KIF26B: variants seen among roughly 807,000 people sequenced by gnomAD.
KIF26B encodes the protein kinesin family member 26B, also known as kinesin-like protein KIF26B.
A neutral mutation model predicts 151.2 loss-of-function variants in KIF26B; 63 were observed. The observed-to-expected ratio is 0.42, with a 90% CI of 0.34 to 0.51. The LOEUF (loss-of-function observed/expected upper bound fraction) is 0.51. KIF26B is among the 20% of genes least tolerant of loss of function. The probability of loss-of-function intolerance (pLI) is 0.07; values close to 1 mark genes in which losing one functional copy is unlikely to be tolerated. For missense variants in KIF26B, 2,813 were observed against 2,913.6 expected, an observed-to-expected ratio of 0.97 and a Z score of 0.79; for synonymous variants, 1,357 against 1,262.1, an observed-to-expected ratio of 1.08 and a Z score of -1.59.
chr1:245,363,192 C>CT (rs1672863274), intron 2 of KIF26B, among the ~76,000 whole-genome samples: 1 of 152,170 alleles, frequency 6.6e-6, no homozygotes, highest in Non-Finnish European at 1.5e-5. Context: ...CTGAAGACTT[C>CT]TTTTCTCTCT....
intron 2 of KIF26B, among the ~76,000 whole-genome samples, chr1:245,197,338 T>A (rs1037787794): frequency 1.3e-5 from 2 of 152,202 alleles, no homozygotes; most frequent in Admixed American, 1.3e-4. Context: ...AGCACTTAGC[T>A]TTGAATAGGA....
intron 4 of KIF26B, among the ~76,000 whole-genome samples, chr1:245,459,397 C>T (rs754728075): frequency 9.2e-5 from 14 of 152,158 alleles, no homozygotes; most frequent in African/African-American, 1.4e-4. Context: ...TATCCCCACC[C>T]GATTTTGTTT....
At chr1:245,304,691 G>A (rs928189339) in intron 2 of KIF26B, among the ~76,000 whole-genome samples, 20 of 135,954 alleles carry the variant, frequency 1.5e-4, no homozygotes, top group Non-Finnish European at 1.2e-4. Context: ...CCATCCATAC[G>A]TCCATCCCTC....
In KIF26B at chr1:245,706,223, C is replaced by T. The variant is rs763588742; in HGVS notation, c.*3617C>T. 4.6e-5 allele frequency: 7 copies of T among 152,210 alleles called. No homozygotes were observed. Among genetic ancestry groups the T allele is most frequent in the Non-Finnish European group, 1.0e-4 (7 of 68,040 alleles). 9.4% of individuals were successfully genotyped at this position (152,210 alleles called of 1,614,324 possible). ...GGGTGGAGGTTCAAAAAGTCTTATA[C>T]GCACCTACAAGTCTCACGCTTGCTG... On this transcript the variant is annotated 3_prime_UTR_variant, in exon 15 of 15. Transcript: ENST00000407071.
chr1:245,483,912 T>G, intron 4 of KIF26B, among the ~76,000 whole-genome samples: 1 of 151,924 alleles, frequency 6.6e-6, no homozygotes, highest in East Asian at 1.9e-4. Flanking sequence ...GTAAAATGTG[T>G]TTATGAAAAT....
intron 14 of KIF26B, among the ~76,000 whole-genome samples, chr1:245,700,282 G>A (rs935241905): frequency 6.6e-6 from 1 of 152,214 alleles, no homozygotes; most frequent in African/African-American, 2.4e-5. Flanking sequence ...TAGGGCAGTT[G>A]TGAGGTATAA....
chr1:245,383,711 A>G (rs1343045864), intron 3 of KIF26B, among the ~76,000 whole-genome samples: 3 of 152,216 alleles, frequency 2.0e-5, no homozygotes, highest in Non-Finnish European at 2.9e-5. Context: ...GATTGGTAGC[A>G]GAGAAATGAA....
In KIF26B at chr1:245,309,214, C is replaced by T. The variant is rs142814077; in HGVS notation, c.466-57620C>T. On this transcript the variant is annotated intron_variant, in intron 2 of 14. Coordinates refer to ENST00000407071, the MANE Select transcript of KIF26B (RefSeq NM_018012.4). ...TTAGTGCCAATAATGCTGTCAATGA[C>T]GTTGTGATGGTTAATTTTCTGTGTC... 3.4e-3 allele frequency among the ~76,000 whole-genome samples: 515 copies of T among 152,218 alleles called. 3 individuals carry two copies. The highest frequency in any genetic ancestry group is 0.012 in the African/African-American group (488 of 41,510).
intron 2 of KIF26B, among the ~76,000 whole-genome samples, chr1:245,278,691 T>C (rs543619895): frequency 9.8e-5 from 15 of 152,316 alleles, no homozygotes; most frequent in African/African-American, 3.6e-4. Context: ...ACTCTGCTTT[T>C]GATGCATCTC....
chr1:245,199,005 C>CGGGGGGGGGGG (rs1553333844), intron 2 of KIF26B, among the ~76,000 whole-genome samples: 1 of 149,510 alleles, frequency 6.7e-6, no homozygotes, highest in Non-Finnish European at 1.5e-5. Context: ...GAGTCCCAAG[C>CGGGGGGGGGGG]AGGGGACAGA....
intron 2 of KIF26B, among the ~76,000 whole-genome samples, chr1:245,306,458 C>T (rs1382994669): frequency 6.6e-6 from 1 of 152,042 alleles, no homozygotes; most frequent in Non-Finnish European, 1.5e-5. Flanking sequence ...GGTTGCACAA[C>T]CCTGTAAATA....
chr1:245,366,359 C>T (rs1466385239), intron 2 of KIF26B, among the ~76,000 whole-genome samples: 1 of 151,934 alleles, frequency 6.6e-6, no homozygotes, highest in Non-Finnish European at 1.5e-5. Context: ...AGTGAAACCC[C>T]ATCTCTACTA....
chr1:245,630,275 A>T (rs1352303358), intron 9 of KIF26B, among the ~76,000 whole-genome samples: 1 of 152,212 alleles, frequency 6.6e-6, no homozygotes. Context: ...ACAAAGACAC[A>T]TGCACACATA....
rs1558358097 is a variant in KIF26B at position 245,241,121 on chromosome 1, T to G, written c.465+84438T>G. Among the ~76,000 whole-genome samples the G allele has an allele frequency of 6.6e-6, 1 of 152,056 alleles. No homozygotes were observed. The highest frequency in any genetic ancestry group is 1.5e-5 in the Non-Finnish European group (1 of 67,990). Reference sequence around the variant, plus strand: ...ATACACCTGTCAGGAAAATCATCGGTAGTGAGCAGTTTCTTCCCGTTACCA... The same window carrying G: ...ATACACCTGTCAGGAAAATCATCGGGAGTGAGCAGTTTCTTCCCGTTACCA... On this transcript the variant is annotated intron_variant, in intron 2 of 14. Transcript: ENST00000407071. This position sits in a 1 kb window ranked among gnomAD's most constrained non-coding sequence, Gnocchi z 5.0.
At chr1:245,280,530 C>CAGAA (rs1553341040) in intron 2 of KIF26B, among the ~76,000 whole-genome samples, 1 of 79,638 alleles carries the variant, frequency 1.3e-5, no homozygotes, top group Non-Finnish European at 2.1e-5. Flanking sequence ...GACTCTGTCT[C>CAGAA]AAAAAAAAAA....
chr1:245,264,186 G>A (rs1244001484), intron 2 of KIF26B, among the ~76,000 whole-genome samples: 1 of 152,124 alleles, frequency 6.6e-6, no homozygotes, highest in African/African-American at 2.4e-5. Context: ...ATATTACGAG[G>A]TCTATCACCA....
intron 3 of KIF26B, among the ~76,000 whole-genome samples, chr1:245,405,505 C>T (rs977911686): frequency 2.0e-5 from 3 of 152,196 alleles, no homozygotes; most frequent in Admixed American, 2.0e-4. Context: ...ATTAAGGTCC[C>T]ACAGCTGGTC....
At chr1:245,432,088 C>T (rs1277141612) in intron 4 of KIF26B, among the ~76,000 whole-genome samples, 1 of 152,002 alleles carries the variant, frequency 6.6e-6, no homozygotes, top group Non-Finnish European at 1.5e-5. Context: ...TGTGACCTCC[C>T]TGTTTAAAAT....
At chr1:245,662,349 T>C (rs1005019707) in intron 10 of KIF26B, among the ~76,000 whole-genome samples, 2 of 123,056 alleles carry the variant, frequency 1.6e-5, no homozygotes, top group African/African-American at 5.3e-5. Context: ...ACACACCCTA[T>C]ATATATATAC....
Sources: gnomAD v4.1 joint callset for allele counts (sites outside exome capture counted in the v4.1 genomes callset) on GRCh38, gnomAD v4.1.1 for gene constraint, Gnocchi (gnomAD v3.1) non-coding constraint, MANE v1.5 for transcripts, NCBI Gene and HGNC (gene_info 2026-07-23, HGNC 2026-07-21) for gene names.